The following VGLL3 variants were observed in gnomAD, a reference collection of about 807,000 sequenced individuals.
The protein encoded by VGLL3 is transcription cofactor vestigial-like protein 3.
A neutral mutation model predicts 29.2 loss-of-function variants in VGLL3; 18 were observed. The observed-to-expected ratio is 0.62, with a 90% CI of 0.43 to 0.91. The LOEUF (loss-of-function observed/expected upper bound fraction) is 0.91. Among genes scored for constraint, VGLL3 ranks in the 40% least tolerant of loss-of-function variants. The pLI, the probability that VGLL3 is intolerant of heterozygous loss-of-function variation, is 0.00. For missense variants in VGLL3, 440 were observed against 413.2 expected, an observed-to-expected ratio of 1.06 and a Z score of -0.56; for synonymous variants, 180 against 151.8, an observed-to-expected ratio of 1.19 and a Z score of -1.36.
intron 2 of VGLL3, among the ~76,000 whole-genome samples, chr3:86,976,036 C>A (rs1256817507): frequency 6.6e-6 from 1 of 152,020 alleles, no homozygotes. Flanking sequence ...ATCGCTGGAA[C>A]TGGGGAGGCG....
intron 2 of VGLL3, among the ~76,000 whole-genome samples, chr3:86,974,321 G>A (rs984982532): frequency 2.6e-5 from 4 of 151,986 alleles, no homozygotes; most frequent in African/African-American, 7.3e-5. Context: ...GTTTCACAAT[G>A]TTGCCTAGGC....
chr3:86,942,387 A>G lies in VGLL3; in HGVS notation c.*4637T>C, dbSNP rs985310840. 6.6e-6 allele frequency: 1 copy of G among 152,156 alleles called. No homozygotes were observed. Among genetic ancestry groups the G allele is most frequent in the African/African-American group, 2.4e-5 (1 of 41,428 alleles). 9.4% of individuals were successfully genotyped at this position (152,156 alleles called of 1,614,324 possible). A position where few individuals can be genotyped will look rare whatever the true frequency, so the allele number is the denominator to read the frequency against. Reference sequence around the variant, plus strand: ...ACAGTGTCAACATCTGCTTCCAATAAGATTGTTTCTTTTTTTCCTTGAGTA... The same window carrying G: ...ACAGTGTCAACATCTGCTTCCAATAGGATTGTTTCTTTTTTTCCTTGAGTA... On this transcript the variant is annotated 3_prime_UTR_variant, in exon 4 of 4. Coordinates refer to ENST00000398399, the MANE Select transcript of VGLL3 (RefSeq NM_016206.4).
chr3:86,977,910 A>G (rs1705242831), intron 2 of VGLL3, among the ~76,000 whole-genome samples: 1 of 152,208 alleles, frequency 6.6e-6, no homozygotes, highest in African/African-American at 2.4e-5. Flanking sequence ...TCAGTTTCAA[A>G]CACATCTCTG....
At chr3:86,950,266 G>T (rs952906218) in intron 3 of VGLL3, among the ~76,000 whole-genome samples, 6 of 152,140 alleles carry the variant, frequency 3.9e-5, no homozygotes, top group African/African-American at 1.4e-4. Flanking sequence ...TCATAAAAAT[G>T]AAGTGACCTA....
intron 3 of VGLL3, among the ~76,000 whole-genome samples, chr3:86,949,540 G>A (rs1704571436): frequency 6.6e-6 from 1 of 152,104 alleles, no homozygotes; most frequent in Admixed American, 6.6e-5. Flanking sequence ...AAGAAAAGCA[G>A]GGCTGGCTGG....
intron 3 of VGLL3, among the ~76,000 whole-genome samples, chr3:86,948,020 AACGAGATACT>A (rs1296829975): frequency 6.6e-6 from 1 of 152,062 alleles, no homozygotes; most frequent in African/African-American, 2.4e-5. Context: ...TAAGGTGTAT[AACGAGATACT>A]TTGATGAACT....
Position 86,962,506 on chromosome 3 carries a change from A to G in VGLL3, c.937+6084T>C, listed in dbSNP as rs75833552. 4,761 of 985,388 alleles carry G rather than the reference A, an allele frequency of 4.8e-3. 102 individuals are homozygous for G. In the East Asian group the frequency reaches 0.13, roughly 27 times the overall value. 61.0% of individuals were successfully genotyped at this position (985,388 alleles called of 1,614,324 possible). ...TGCCTACCAAACCTCAAACTCTACT[A>G]TAATATGTTGTAATGAATCTTAACA... On this transcript the variant is annotated intron_variant, in intron 3 of 3. Transcript: ENST00000398399.
chr3:86,960,022 T>G (rs1704805453), intron 3 of VGLL3, among the ~76,000 whole-genome samples: 1 of 152,106 alleles, frequency 6.6e-6, no homozygotes, highest in Non-Finnish European at 1.5e-5. Flanking sequence ...TCACCCGGTT[T>G]TTTGTATTGC....
intron 2 of VGLL3, among the ~76,000 whole-genome samples, chr3:86,977,569 A>C (rs1232293448): frequency 1.3e-5 from 2 of 152,228 alleles, no homozygotes; most frequent in Admixed American, 1.3e-4. Context: ...GACTAGATCA[A>C]TGATTATCAA....
At chr3:86,980,934 G>A (rs1486276543) in intron 1 of VGLL3, among the ~76,000 whole-genome samples, 1 of 151,364 alleles carries the variant, frequency 6.6e-6, no homozygotes, top group Non-Finnish European at 1.5e-5. Flanking sequence ...TCTTTTTTCT[G>A]TTAATGTCCA....
intron 1 of VGLL3, among the ~76,000 whole-genome samples, chr3:86,982,463 TTAAC>T (rs1405535611): frequency 6.6e-6 from 1 of 152,004 alleles, no homozygotes; most frequent in African/African-American, 2.4e-5. Flanking sequence ...TTTTTTTTTT[TTAAC>T]TAAGTATTTT....
chr3:86,972,763 C>G (rs1282017908), intron 2 of VGLL3, among the ~76,000 whole-genome samples: 1 of 152,146 alleles, frequency 6.6e-6, no homozygotes, highest in Non-Finnish European at 1.5e-5. Context: ...ACCTGGTATA[C>G]AGGTGATGTT....
At chr3:86,977,344 G>C (rs1705230685) in intron 2 of VGLL3, among the ~76,000 whole-genome samples, 1 of 152,112 alleles carries the variant, frequency 6.6e-6, no homozygotes, top group Admixed American at 6.5e-5. Context: ...ATGTGGCCAG[G>C]ACTTCTACAG....
intron 2 of VGLL3, among the ~76,000 whole-genome samples, chr3:86,970,218 A>G (rs1705065591): frequency 6.6e-6 from 1 of 152,320 alleles, no homozygotes; most frequent in Middle Eastern, 3.4e-3. Context: ...ACATTTATAC[A>G]CGACCTACTA....
At chr3:86,984,836 C>T (rs1437573036) in intron 1 of VGLL3, among the ~76,000 whole-genome samples, 2 of 151,944 alleles carry the variant, frequency 1.3e-5, no homozygotes, top group African/African-American at 4.8e-5. Flanking sequence ...ATAAAGAGAG[C>T]CTCATGGTTT....
intron 2 of VGLL3, among the ~76,000 whole-genome samples, chr3:86,975,832 CG>C (rs1242828823): frequency 6.6e-6 from 1 of 152,058 alleles, no homozygotes; most frequent in Non-Finnish European, 1.5e-5. Context: ...CAGTGGGGCG[CG>C]GTGGCTCACA....
At chr3:86,971,303 G>T (rs1705095953) in intron 2 of VGLL3, among the ~76,000 whole-genome samples, 1 of 152,102 alleles carries the variant, frequency 6.6e-6, no homozygotes, top group Non-Finnish European at 1.5e-5. Context: ...TCCCCTAAAG[G>T]CTGTGGCAGC....
rs553174789 is a variant in VGLL3, at chr3:86,946,704, A to G, written c.*320T>C. 2.0e-4 allele frequency: 44 copies of G among 219,908 alleles called. No homozygotes were observed. The highest frequency in any genetic ancestry group is 3.5e-4 in the Non-Finnish European group (39 of 112,374). The allele number at this position is 219,908 out of a possible 1,614,324, so 13.6% of individuals were successfully genotyped here. On this transcript the variant is annotated 3_prime_UTR_variant, in exon 4 of 4. Transcript: ENST00000398399. ...AATGTGTGGTTCATCCTTTCCTGAC[A>G]AGGTGGTTGGCTAAAAAAAAAAATC...
chr3:86,954,426 C>T (rs1036761639), intron 3 of VGLL3, among the ~76,000 whole-genome samples: 25 of 152,164 alleles, frequency 1.6e-4, no homozygotes, highest in Non-Finnish European at 2.2e-4. Context: ...ACCACAAACT[C>T]TCCTGTGCAC....
Sources: gnomAD v4.1 joint callset for allele counts (sites outside exome capture counted in the v4.1 genomes callset) on GRCh38, gnomAD v4.1.1 for gene constraint, MANE v1.5 for transcripts, NCBI Gene and HGNC (gene_info 2026-07-23, HGNC 2026-07-21) for gene names.